Variants in CACNA1A observed in about 807,000 individuals in gnomAD.
CACNA1A encodes calcium voltage-gated channel subunit alpha1 A.
CACNA1A carries 57 observed loss-of-function variants against 262.4 expected under a neutral mutation model. The observed-to-expected ratio is 0.22, with a 90% CI of 0.18 to 0.27. The LOEUF is 0.27. Ranked by LOEUF, CACNA1A falls within the 10% of genes least tolerant of loss-of-function variation. The probability of loss-of-function intolerance (pLI) is 1.00; values close to 1 mark genes in which losing one functional copy is unlikely to be tolerated. For missense variants in CACNA1A, 2,526 were observed against 3,562.8 expected, an observed-to-expected ratio of 0.71 and a Z score of 7.41; for synonymous variants, 1,431 against 1,419.3, an observed-to-expected ratio of 1.01 and a Z score of -0.18.
At chr19:13,480,017 C>T (rs946589996) in intron 1 of CACNA1A, among the ~76,000 whole-genome samples, 1 of 152,216 alleles carries the variant, frequency 6.6e-6, no homozygotes, top group Admixed American at 6.5e-5. Context: ...ACAGTATTTA[C>T]TAGACATTTT....
At chr19:13,465,822 C>G (rs1275293695) in intron 1 of CACNA1A, among the ~76,000 whole-genome samples, 9 of 152,274 alleles carry the variant, frequency 5.9e-5, no homozygotes, top group Admixed American at 3.3e-4. Context: ...TATGTTGTAG[C>G]AAAGATTAGT....
At position 13,255,266 on chromosome 19, in the gene CACNA1A, G is replaced by A. The variant is rs2056515256; in HGVS notation, c.4591-7C>T. The A allele has an allele frequency of 1.3e-6, 2 of 1,586,570 alleles. No homozygotes were observed. The highest frequency in any genetic ancestry group is 1.1e-5 in the South Asian group (1 of 88,840). ...CGAAATCAATGCAGGCCCTCTGCGGGAGAGAGGCCAGTGGTGAGAGCGGCA... is the reference window on the plus strand; with the variant it reads ...CGAAATCAATGCAGGCCCTCTGCGGAAGAGAGGCCAGTGGTGAGAGCGGCA... On this transcript the variant is annotated splice_region_variant and splice_polypyrimidine_tract_variant and intron_variant, in intron 28 of 46. Transcript: ENST00000360228.
intron 3 of CACNA1A, among the ~76,000 whole-genome samples, chr19:13,386,909 T>C (rs2059625476): frequency 6.6e-6 from 1 of 152,162 alleles, no homozygotes; most frequent in South Asian, 2.1e-4. Flanking sequence ...TTTGGAGACA[T>C]TGTTGAGCCA....
In CACNA1A at chr19:13,293,439, C is replaced by CTTTTTTTTTTTTT. The variant is rs974515720; in HGVS notation, c.3089+5092_3089+5104dup. ...TTTACACGTACTAACTCAGTTAAATCTTTTTTTTTTTTTTTTTTTTTTTTG... is the reference window on the plus strand; with the variant it reads ...TTTACACGTACTAACTCAGTTAAATCTTTTTTTTTTTTTTTTTTTTTTTTTTTTTTTTTTTTTG... On this transcript the variant is annotated intron_variant, in intron 19 of 46. Transcript: ENST00000360228. Among the ~76,000 whole-genome samples the CTTTTTTTTTTTTT allele has an allele frequency of 2.2e-4, 18 of 80,896 alleles. 1 individual carries two copies. The highest frequency in any genetic ancestry group is 6.2e-4 in the South Asian group (1 of 1,604). 53.1% of individuals were successfully genotyped at this position (80,896 alleles called of 152,430 possible). A position where few individuals can be genotyped will look rare whatever the true frequency, so the allele number is the denominator to read the frequency against.
At chr19:13,455,840 A>G (rs547425544) in intron 1 of CACNA1A, among the ~76,000 whole-genome samples, 1 of 149,124 alleles carries the variant, frequency 6.7e-6, no homozygotes, top group South Asian at 2.2e-4. Context: ...ACTGCACTCC[A>G]GCCTGGGTGA....
chr19:13,392,335 G>A (rs984387323), intron 3 of CACNA1A, among the ~76,000 whole-genome samples: 10 of 152,222 alleles, frequency 6.6e-5, no homozygotes, highest in African/African-American at 2.4e-4. Flanking sequence ...AATCACCAGG[G>A]CTAGAGGAGG....
rs1052733439 is a variant in CACNA1A, at chr19:13,376,716, CATAAT to C, written c.540-4942_540-4938del. ...TATATGTTACATATGATACACTACA[CATAAT>C]ATATGTTATATATGATATATATAAC... is the stretch of plus-strand genomic sequence containing the variant. On this transcript the variant is annotated intron_variant, in intron 3 of 46. Coordinates refer to ENST00000360228, the MANE Select transcript of CACNA1A (RefSeq NM_001127222.2). Among the ~76,000 whole-genome samples the C allele has an allele frequency of 1.4e-4, 21 of 147,274 alleles. 1 individual carries two copies. Among genetic ancestry groups the C allele is most frequent in the South Asian group, 6.3e-4 (3 of 4,734 alleles).
Position 13,396,862 on chromosome 19 carries a change from G to A in CACNA1A, c.540-25083C>T, listed in dbSNP as rs142671292. Reference sequence around the variant, plus strand: ...GTTTGGCTGAGGGGAAGCGCTGGCAGAAGATGAGGGGAGGGAAAGAGATTG... The same window carrying A: ...GTTTGGCTGAGGGGAAGCGCTGGCAAAAGATGAGGGGAGGGAAAGAGATTG... On this transcript the variant is annotated intron_variant, in intron 3 of 46. Coordinates refer to ENST00000360228, the MANE Select transcript of CACNA1A (RefSeq NM_001127222.2). Among the ~76,000 whole-genome samples, 158 of 152,290 alleles carry A rather than the reference G, an allele frequency of 1.0e-3. 2 individuals are homozygous for A. Among genetic ancestry groups the A allele is most frequent in the African/African-American group, 3.5e-3 (145 of 41,556 alleles).
chr19:13,349,315 G>A (rs2058859655), intron 6 of CACNA1A, among the ~76,000 whole-genome samples: 1 of 152,190 alleles, frequency 6.6e-6, no homozygotes, highest in South Asian at 2.1e-4. Flanking sequence ...AGACACCCTG[G>A]TCCTGCCAGG....
At chr19:13,302,750 G>C (rs908585076) in intron 17 of CACNA1A, among the ~76,000 whole-genome samples, 10 of 152,186 alleles carry the variant, frequency 6.6e-5, no homozygotes, top group Non-Finnish European at 1.3e-4. Context: ...CCGTGTGCTT[G>C]GGATGGCAGA....
chr19:13,221,713 T>G (rs2055240022), intron 38 of CACNA1A, among the ~76,000 whole-genome samples: 1 of 152,098 alleles, frequency 6.6e-6, no homozygotes, highest in East Asian at 1.9e-4. Flanking sequence ...CTTGTCATCC[T>G]TGGTCTCTGG....
intron 44 of CACNA1A, 46 bp from the exon 45 acceptor site, chr19:13,209,544 C>A: frequency 8.0e-7 from 1 of 1,251,812 alleles, no homozygotes; most frequent in South Asian, 3.4e-5. Context: ...CAGCTAGCAC[C>A]AAGTGGTCCC....
At chr19:13,348,114 G>C (rs569257742) in intron 6 of CACNA1A, among the ~76,000 whole-genome samples, 1 of 152,000 alleles carries the variant, frequency 6.6e-6, no homozygotes, top group African/African-American at 2.4e-5. Context: ...TTTAAAGATG[G>C]GGTCTTGCTT....
At chr19:13,421,555 G>T (rs1169844404) in intron 3 of CACNA1A, among the ~76,000 whole-genome samples, 3 of 152,176 alleles carry the variant, frequency 2.0e-5, no homozygotes, top group Non-Finnish European at 2.9e-5. Context: ...CCAATGTGAA[G>T]ATATTAGGAA....
intron 3 of CACNA1A, among the ~76,000 whole-genome samples, chr19:13,417,947 T>C (rs904510023): frequency 6.7e-6 from 1 of 149,730 alleles, no homozygotes; most frequent in Non-Finnish European, 1.5e-5. Flanking sequence ...CAGACCTCCA[T>C]GGCCAGCCCT....
At chr19:13,468,574 A>G (rs112424870) in intron 1 of CACNA1A, among the ~76,000 whole-genome samples, 14,456 of 152,116 alleles carry the variant, frequency 0.095, 1,053 homozygotes, top group East Asian at 0.2. Context: ...ATCACTTCAG[A>G]TCAGGAGTTT....
intron 11 of CACNA1A, 31 bp from the exon 12 acceptor site, chr19:13,312,812 G>GCC: frequency 8.3e-7 from 1 of 1,202,584 alleles, no homozygotes; most frequent in Non-Finnish European, 1.2e-6. Context: ...ACAGAGAGGA[G>GCC]GTTAGGCTTG....
At position 13,376,959 on chromosome 19, in the gene CACNA1A, A is replaced by T. The variant is rs186977402; in HGVS notation, c.540-5180T>A. Among the ~76,000 whole-genome samples the T allele has an allele frequency of 6.3e-3, 932 of 147,148 alleles. 10 individuals carry two copies. Among genetic ancestry groups the T allele is most frequent in the African/African-American group, 0.021 (863 of 40,346 alleles). On this transcript the variant is annotated intron_variant, in intron 3 of 46. Coordinates refer to ENST00000360228, the MANE Select transcript of CACNA1A (RefSeq NM_001127222.2). ...TAATTTATATTACATATAACATGTT[A>T]TATATATATATGTATTTTAGATGAA...
rs1192776082 is a variant in CACNA1A at position 13,236,809 on chromosome 19, TAGA to T, written c.4951-1082_4951-1080del. ...TGCCTCTGCCTCCTCCCACCCAAGC[TAGA>T]AGAACCAGGGGGCCAGAGAGTTGGA... is the stretch of plus-strand genomic sequence containing the variant. On this transcript the variant is annotated intron_variant, in intron 31 of 46. Transcript: ENST00000360228. This position sits in a 1 kb window ranked among gnomAD's most constrained non-coding sequence, Gnocchi z 4.6. Among the ~76,000 whole-genome samples the T allele has an allele frequency of 6.6e-6, 1 of 151,804 alleles. No homozygotes were observed. The highest frequency in any genetic ancestry group is 2.4e-5 in the African/African-American group (1 of 41,298).
Sources: gnomAD v4.1 joint callset for allele counts (sites outside exome capture counted in the v4.1 genomes callset) on GRCh38, gnomAD v4.1.1 for gene constraint, Gnocchi (gnomAD v3.1) non-coding constraint, MANE v1.5 for transcripts, NCBI Gene and HGNC (gene_info 2026-07-23, HGNC 2026-07-21) for gene names.